KDM4B: variants seen among roughly 807,000 people sequenced by gnomAD.
KDM4B encodes lysine-specific demethylase 4B.
In KDM4B, 32 loss-of-function variants were observed where a neutral mutation model predicts 125.2. The observed-to-expected ratio is 0.26, with a 90% CI of 0.19 to 0.34. The LOEUF (loss-of-function observed/expected upper bound fraction) is 0.34, where lower values mean the gene tolerates loss of function less well. Among genes scored for constraint, KDM4B ranks in the 10% least tolerant of loss-of-function variants. KDM4B has a pLI of 1.00. For missense variants in KDM4B, 1,190 were observed against 1,577.7 expected (o/e 0.75, Z 4.16); for synonymous variants, 721 against 677.9 (o/e 1.06, Z -0.99).
chr19:5,127,721 G>C (rs1455998615), intron 11 of KDM4B, among the ~76,000 whole-genome samples: 1 of 152,214 alleles, frequency 6.6e-6, no homozygotes, highest in Non-Finnish European at 1.5e-5. Flanking sequence ...CTTGGAGGAG[G>C]AGGGAGAGAG....
chr19:4,969,422 G>A (rs1447809656), intron 1 of KDM4B, among the ~76,000 whole-genome samples, 192 bp downstream of exon 1: 3 of 147,272 alleles, frequency 2.0e-5, no homozygotes, highest in Non-Finnish European at 4.5e-5. Flanking sequence ...CGCCCGGCCC[G>A]GGGGCGCCCG....
At chr19:5,030,657 C>T (rs528268190) in intron 2 of KDM4B, among the ~76,000 whole-genome samples, 5 of 152,372 alleles carry the variant, frequency 3.3e-5, no homozygotes, top group Admixed American at 3.3e-4. Context: ...CAGGGGGAGA[C>T]TCATGCGGTC....
intron 9 of KDM4B, among the ~76,000 whole-genome samples, chr19:5,105,401 A>G (rs1310825779): frequency 1.3e-5 from 2 of 152,224 alleles, no homozygotes; most frequent in Non-Finnish European, 2.9e-5. Flanking sequence ...GAGTTACACT[A>G]GAAAAGTTAC....
intron 9 of KDM4B, among the ~76,000 whole-genome samples, chr19:5,108,051 C>T (rs1201347305): frequency 9.2e-5 from 14 of 152,232 alleles, no homozygotes; most frequent in Non-Finnish European, 1.5e-5. Flanking sequence ...GGGGATGCAT[C>T]TGGAGCCGTG....
At chr19:5,045,543 A>G (rs1433351486) in intron 5 of KDM4B, among the ~76,000 whole-genome samples, 1 of 147,586 alleles carries the variant, frequency 6.8e-6, no homozygotes, top group African/African-American at 2.5e-5. Context: ...GGCGCCCACC[A>G]CCACACCCAG....
intron 10 of KDM4B, among the ~76,000 whole-genome samples, chr19:5,117,267 G>C (rs1159657916): frequency 6.6e-6 from 1 of 151,588 alleles, no homozygotes; most frequent in African/African-American, 2.4e-5. Context: ...CCCCTGGAAG[G>C]CTGCAGCAGG....
Position 5,110,612 on chromosome 19 carries a change from C to T in KDM4B, c.919-10C>T, listed in dbSNP as rs554143163. 6.2e-7 allele frequency: 1 copy of T among 1,612,766 alleles called. No individual in the cohort carries two copies. Among genetic ancestry groups the T allele is most frequent in the African/African-American group, 1.3e-5 (1 of 75,032 alleles). Reference sequence around the variant, plus strand: ...TGGCGCGAGGGCTCAGACCGTGTCCCCTGCCGCAGTGCACGTGCCGGAAGG... The same window carrying T: ...TGGCGCGAGGGCTCAGACCGTGTCCTCTGCCGCAGTGCACGTGCCGGAAGG... On this transcript the variant is annotated splice_polypyrimidine_tract_variant and intron_variant, in intron 9 of 22. Coordinates refer to ENST00000159111, the MANE Select transcript of KDM4B (RefSeq NM_015015.3).
rs2039328798 is a variant in KDM4B, at chr19:5,119,859, C to G, written c.1315+7C>G. 1 of 1,545,296 alleles carries G rather than the reference C, an allele frequency of 6.5e-7. No homozygotes were observed. The highest frequency in any genetic ancestry group is 1.4e-5 in the African/African-American group (1 of 72,928). On this transcript the variant is annotated splice_region_variant and intron_variant, in intron 11 of 22. Transcript: ENST00000159111. ...GAGGCCGAGGGCGCAGAAGGTCAGT[C>G]CCTGCCGGGCCAGGCCTGGCACCGC...
At chr19:4,969,658 G>C (rs989395434) in intron 1 of KDM4B, among the ~76,000 whole-genome samples, 1 of 151,996 alleles carries the variant, frequency 6.6e-6, no homozygotes, top group Non-Finnish European at 1.5e-5. Context: ...CAAGAAAAAG[G>C]AAAAAGACCC....
At chr19:5,101,197 G>A (rs1034356937) in intron 9 of KDM4B, among the ~76,000 whole-genome samples, 4 of 148,150 alleles carry the variant, frequency 2.7e-5, no homozygotes, top group African/African-American at 1.0e-4. Flanking sequence ...GCTCCAACCT[G>A]GGCAACAAGA....
At chr19:4,987,416 T>C (rs1294319174) in intron 1 of KDM4B, among the ~76,000 whole-genome samples, 2 of 152,048 alleles carry the variant, frequency 1.3e-5, no homozygotes, top group Non-Finnish European at 2.9e-5. Context: ...GAGAAGTTTA[T>C]GGCAGGGCTG....
intron 3 of KDM4B, among the ~76,000 whole-genome samples, chr19:5,034,434 G>A (rs10422470): frequency 0.83 from 125,794 of 152,268 alleles, 52,680 homozygotes; most frequent in Non-Finnish European, 0.91. Context: ...GAAAGTGCAC[G>A]GCCCTGTGCC....
intron 1 of KDM4B, among the ~76,000 whole-genome samples, chr19:5,003,365 C>T (rs1202380287): frequency 1.3e-5 from 2 of 152,164 alleles, no homozygotes; most frequent in Admixed American, 6.5e-5. Context: ...CCTGTAATCC[C>T]AGCTTCTCGG....
chr19:5,118,328 G>T (rs571329279), intron 10 of KDM4B, among the ~76,000 whole-genome samples: 1 of 152,226 alleles, frequency 6.6e-6, no homozygotes, highest in South Asian at 2.1e-4. Flanking sequence ...AAACACTGGC[G>T]CTCCCAGCTC....
At chr19:4,977,585 G>A (rs1281339711) in intron 1 of KDM4B, among the ~76,000 whole-genome samples, 1 of 152,212 alleles carries the variant, frequency 6.6e-6, no homozygotes, top group Non-Finnish European at 1.5e-5. Context: ...CTAGTCTCCA[G>A]GGAGAGAGCG....
intron 1 of KDM4B, among the ~76,000 whole-genome samples, chr19:5,007,845 G>C (rs113871813): frequency 0.044 from 6,626 of 152,188 alleles, 200 homozygotes; most frequent in Non-Finnish European, 0.069. Context: ...GAGCTGCCAT[G>C]ACCAGCCAAG....
At chr19:5,085,896 C>T (rs532346564) in intron 9 of KDM4B, among the ~76,000 whole-genome samples, 2 of 152,296 alleles carry the variant, frequency 1.3e-5, no homozygotes, top group South Asian at 2.1e-4. Context: ...AGCATCTCGC[C>T]GCACAGATGA....
At position 5,137,357 on chromosome 19, in the gene KDM4B, C is replaced by T. The variant is rs750467508; in HGVS notation, c.2385+19C>T. On this transcript the variant is annotated intron_variant, in intron 16 of 22. Coordinates refer to ENST00000159111, the MANE Select transcript of KDM4B (RefSeq NM_015015.3). Reference sequence around the variant, plus strand: ...GACTGCGGTAACTCGCTCCCCGCAGCGGGGGTGGTGCTCTGAGAGGCCTGG... The same window carrying T: ...GACTGCGGTAACTCGCTCCCCGCAGTGGGGGTGGTGCTCTGAGAGGCCTGG... The T allele has an allele frequency of 1.7e-5, 26 of 1,549,736 alleles. No homozygotes were observed. The highest frequency in any genetic ancestry group is 4.8e-5 in the East Asian group (2 of 41,316).
intron 6 of KDM4B, among the ~76,000 whole-genome samples, chr19:5,057,077 CGT>C (rs1491231271): frequency 6.7e-6 from 1 of 150,276 alleles, no homozygotes; most frequent in African/African-American, 2.5e-5. Context: ...CGCGCGCGCG[CGT>C]ATGTTAGCAA....
Sources: allele counts gnomAD v4.1 joint callset (sites outside exome capture counted in the v4.1 genomes callset), GRCh38; gene constraint gnomAD v4.1.1; transcripts MANE v1.5; gene names NCBI Gene and HGNC (gene_info 2026-07-23, HGNC 2026-07-21).